The following MDFIC variants were observed in gnomAD, a reference collection of about 807,000 sequenced individuals.
MDFIC encodes MyoD family inhibitor domain containing.
A neutral mutation model predicts 23.2 loss-of-function variants in MDFIC; 17 were observed. That is an observed-to-expected ratio of 0.73 (90% CI 0.50 to 1.10). MDFIC has a LOEUF of 1.10. MDFIC is among the 50% of genes least tolerant of loss of function. The pLI is 0.00. For missense variants in MDFIC, 356 were observed against 316.6 expected, an observed-to-expected ratio of 1.12 and a Z score of -0.95; for synonymous variants, 120 against 115.2, an observed-to-expected ratio of 1.04 and a Z score of -0.27.
chr7:114,973,069 G>A (rs965812548), intron 3 of MDFIC, among the ~76,000 whole-genome samples: 1 of 149,058 alleles, frequency 6.7e-6, no homozygotes, highest in African/African-American at 2.5e-5. Flanking sequence ...AAGTCATTTG[G>A]GCTAAAGGCA....
chr7:114,981,351 A>G (rs895401614), intron 4 of MDFIC, among the ~76,000 whole-genome samples: 2 of 152,190 alleles, frequency 1.3e-5, no homozygotes, highest in Admixed American at 6.5e-5. Context: ...CTTTAATACC[A>G]TGTCTGAATT....
intron 4 of MDFIC, among the ~76,000 whole-genome samples, chr7:115,005,730 C>A (rs970290266): frequency 6.6e-6 from 1 of 152,186 alleles, no homozygotes; most frequent in African/African-American, 2.4e-5. Context: ...TGTTTGTACA[C>A]TAAATTAAGG....
chr7:114,986,885 T>G (rs1236662347), intron 4 of MDFIC, among the ~76,000 whole-genome samples: 1 of 152,222 alleles, frequency 6.6e-6, no homozygotes, highest in Non-Finnish European at 1.5e-5. Context: ...AGAGTCTGTC[T>G]TACTCATCTT....
At chr7:114,955,558 T>C (rs1792867359) in intron 3 of MDFIC, among the ~76,000 whole-genome samples, 1 of 152,236 alleles carries the variant, frequency 6.6e-6, no homozygotes, top group African/African-American at 2.4e-5. Context: ...TGGTGTCTCA[T>C]TCAGCTCTGT....
chr7:115,006,417 G>T (rs550029929), intron 4 of MDFIC, among the ~76,000 whole-genome samples: 2 of 152,272 alleles, frequency 1.3e-5, no homozygotes, highest in Admixed American at 1.3e-4. Flanking sequence ...GAAAACACTG[G>T]ATGTGACCAA....
At chr7:114,923,523 C>G (rs1467830447) in intron 2 of MDFIC, 1 of 1,537,274 alleles carries the variant, frequency 6.5e-7, no homozygotes, top group Non-Finnish European at 8.7e-7. Flanking sequence ...TCCATTTCAT[C>G]TTTCTGTTTC....
At chr7:114,946,571 T>C (rs1232543738) in intron 3 of MDFIC, among the ~76,000 whole-genome samples, 4 of 152,228 alleles carry the variant, frequency 2.6e-5, no homozygotes, top group African/African-American at 4.8e-5. Flanking sequence ...TTCTCTCCTT[T>C]GTGATTTTAT....
rs746748972 is a variant in MDFIC at position 115,015,774 on chromosome 7, A to C, written c.580A>C (p.Ile194Leu). Residue 194 changes from isoleucine (I) to leucine (L), a missense_variant, in exon 5 of 5, where the codon ATC (isoleucine) becomes CTC (leucine). By Grantham distance (5) the Ile-to-Leu change is conservative (BLOSUM62 2). Coordinates refer to ENST00000393486, the MANE Select transcript of MDFIC (RefSeq NM_001166345.3). ...NIVLGQASCG[I>L]CTSEACCCCC... ...TGTCCTGGGACAAGCGTCATGTGGC[A>C]TCTGCACCTCAGAAGCCTGCTGCTG... The C allele has an allele frequency of 1.2e-6, 2 of 1,614,218 alleles. No individual in the cohort carries two copies. The highest frequency in any genetic ancestry group is 1.6e-4 in the Middle Eastern group (1 of 6,062).
In MDFIC at chr7:114,922,328, A is replaced by C. The variant is rs1029529811; in HGVS notation, c.-416A>C. On this transcript the variant is annotated 5_prime_UTR_variant, in exon 1 of 5. Coordinates refer to ENST00000393486, the MANE Select transcript of MDFIC (RefSeq NM_001166345.3). ...GGGAGAAGTGTTTCAGGATTGTAGGAGTGGAAGAGGGGAAAGAGAGGCAGA... is the reference window on the plus strand; with the variant it reads ...GGGAGAAGTGTTTCAGGATTGTAGGCGTGGAAGAGGGGAAAGAGAGGCAGA... The C allele has an allele frequency of 3.9e-6, 4 of 1,017,070 alleles. No homozygotes were observed. In the African/African-American group the frequency reaches 5.0e-5, roughly 13 times the overall value. The allele number at this position is 1,017,070 out of a possible 1,614,324, so 63.0% of individuals were successfully genotyped here.
At chr7:114,951,904 G>T (rs1792781974) in intron 3 of MDFIC, among the ~76,000 whole-genome samples, 3 of 152,128 alleles carry the variant, frequency 2.0e-5, no homozygotes, top group Admixed American at 2.0e-4. Context: ...AGTGCAGAAT[G>T]AGAATGCAGG....
chr7:114,975,931 A>C (rs570414240), intron 3 of MDFIC, among the ~76,000 whole-genome samples: 1 of 152,238 alleles, frequency 6.6e-6, no homozygotes, highest in African/African-American at 2.4e-5. Flanking sequence ...CTATAGTGAA[A>C]ATAATTAGGT....
At chr7:114,994,639 G>A (rs190614519) in intron 4 of MDFIC, among the ~76,000 whole-genome samples, 5 of 152,102 alleles carry the variant, frequency 3.3e-5, no homozygotes, top group African/African-American at 1.2e-4. Context: ...GAAATTCTGG[G>A]TTGAAAATTC....
chr7:114,933,060 G>A (rs1792348957), intron 2 of MDFIC, among the ~76,000 whole-genome samples: 1 of 152,074 alleles, frequency 6.6e-6, no homozygotes, highest in South Asian at 2.1e-4. Context: ...TCTTGTAATA[G>A]TGCCAAGTAA....
Position 115,015,826 on chromosome 7 carries a change from A to G in MDFIC, c.632A>G (p.Asp211Gly), listed in dbSNP as rs747780498. The change falls in exon 5 of 5, where the codon GAT (aspartate) becomes GGT (glycine). Residue 211 changes from aspartate (D) to glycine (G), a missense_variant. Asp to Gly is a moderately conservative substitution (Grantham distance 94). Coordinates refer to ENST00000393486, the MANE Select transcript of MDFIC (RefSeq NM_001166345.3). ...CCCCGDEMGD[D>G]CNCPCDMDCG... ...TGCTGTGGTGACGAGATGGGGGATGATTGTAACTGCCCTTGTGATATGGAC... is the reference window on the plus strand; with the variant it reads ...TGCTGTGGTGACGAGATGGGGGATGGTTGTAACTGCCCTTGTGATATGGAC... The G allele has an allele frequency of 6.2e-7, 1 of 1,614,182 alleles. No homozygotes were observed. The highest frequency in any genetic ancestry group is 8.5e-7 in the Non-Finnish European group (1 of 1,180,036).
chr7:114,981,436 T>A (rs1029958449), intron 4 of MDFIC, among the ~76,000 whole-genome samples: 2 of 152,106 alleles, frequency 1.3e-5, no homozygotes, highest in Admixed American at 1.3e-4. Flanking sequence ...ATGAATGAGA[T>A]ACAGTTTTAC....
chr7:114,968,175 A>G (rs559211179), intron 3 of MDFIC, among the ~76,000 whole-genome samples: 1 of 152,294 alleles, frequency 6.6e-6, no homozygotes, highest in African/African-American at 2.4e-5. Flanking sequence ...CCATTTGCAG[A>G]TGCTTATATG....
intron 3 of MDFIC, among the ~76,000 whole-genome samples, chr7:114,956,949 A>G (rs1248216399): frequency 6.6e-6 from 1 of 152,110 alleles, no homozygotes; most frequent in East Asian, 1.9e-4. Flanking sequence ...TGTTTGGGAT[A>G]GGGTGTGTTT....
intron 2 of MDFIC, chr7:114,923,686 T>A (rs983688627): frequency 5.7e-6 from 8 of 1,399,010 alleles, no homozygotes; most frequent in Non-Finnish European, 6.5e-6. Context: ...AGCTTCTTTG[T>A]GTTCTTCCAA....
intron 2 of MDFIC, among the ~76,000 whole-genome samples, chr7:114,928,635 T>G (rs1234645810): frequency 6.6e-6 from 1 of 152,134 alleles, no homozygotes; most frequent in Non-Finnish European, 1.5e-5. Context: ...TAGCCTAAAG[T>G]CAGTTTCAGG....
Sources: gnomAD v4.1 joint callset for allele counts (sites outside exome capture counted in the v4.1 genomes callset) on GRCh38, gnomAD v4.1.1 for gene constraint, MANE v1.5 for transcripts, NCBI Gene and HGNC (gene_info 2026-07-23, HGNC 2026-07-21) for gene names.